Variants in DEUP1 observed in about 807,000 individuals in gnomAD.
DEUP1 encodes the protein coiled-coil domain containing 67.
In DEUP1, 82 loss-of-function variants were observed where a neutral mutation model predicts 87.4. The observed-to-expected ratio is 0.94, with a 90% CI of 0.78 to 1.13. The LOEUF is 1.13. Among genes scored for constraint, DEUP1 ranks in the 50% most tolerant of loss-of-function variants. DEUP1 has a pLI of 0.00. For missense variants in DEUP1, 663 were observed against 681.5 expected (o/e 0.97, Z 0.30); for synonymous variants, 214 against 222.7 (o/e 0.96, Z 0.35).
chr11:93,371,192 T>C lies in DEUP1; in HGVS notation c.701T>C (p.Val234Ala). 1 of 1,613,100 alleles carries C rather than the reference T, an allele frequency of 6.2e-7. No homozygotes were observed. Among genetic ancestry groups the C allele is most frequent in the Non-Finnish European group, 8.5e-7 (1 of 1,179,450 alleles). ...EFIIEKLKSA[V>A]NEIALSRNKL... Reference sequence around the variant, plus strand: ...ATTATTGAAAAACTGAAATCAGCTGTAAATGAGATAGCACTAAGCAGGAAT... The same window carrying C: ...ATTATTGAAAAACTGAAATCAGCTGCAAATGAGATAGCACTAAGCAGGAAT... The change falls in exon 7 of 14, where the codon GTA becomes GCA. Residue 234 changes from valine (V) to alanine (A), a missense_variant. By Grantham distance (64) the Val-to-Ala change is moderately conservative. Coordinates refer to ENST00000298050, the MANE Select transcript of DEUP1 (RefSeq NM_181645.4).
rs1565287643 is a variant in DEUP1 at position 93,335,722 on chromosome 11, G to A, written c.29+3434G>A. ...TATTACCATCCCTGCTTTCTTTTTA[G>A]TTTACTTTAATCAATAATATCTTTG... On this transcript the variant is annotated intron_variant, in intron 2 of 13. Coordinates refer to ENST00000298050, the MANE Select transcript of DEUP1 (RefSeq NM_181645.4). Among the ~76,000 whole-genome samples, 8 of 152,176 alleles carry A rather than the reference G, an allele frequency of 5.3e-5. No homozygotes were observed. The South Asian group carries it at 1.5e-3, about 28-fold the overall frequency.
At chr11:93,372,170 C>T (rs1435531927) in intron 7 of DEUP1, among the ~76,000 whole-genome samples, 5 of 151,988 alleles carry the variant, frequency 3.3e-5, no homozygotes, top group Non-Finnish European at 5.9e-5. Flanking sequence ...CCTCGTGATC[C>T]GCCCGCCTCG....
At chr11:93,416,091 C>G (rs779593528) in intron 13 of DEUP1, among the ~76,000 whole-genome samples, 1 of 152,074 alleles carries the variant, frequency 6.6e-6, no homozygotes, top group African/African-American at 2.4e-5. Context: ...CCTGTAGGAG[C>G]CAATGAATAT....
At chr11:93,374,995 C>A (rs1483476606) in intron 7 of DEUP1, among the ~76,000 whole-genome samples, 1 of 149,576 alleles carries the variant, frequency 6.7e-6, no homozygotes, top group African/African-American at 2.5e-5. Context: ...TTTTTCACAT[C>A]CTTGGGTAGG....
chr11:93,384,040 G>A (rs769504593), intron 7 of DEUP1, among the ~76,000 whole-genome samples: 2 of 152,130 alleles, frequency 1.3e-5, no homozygotes, highest in African/African-American at 2.4e-5. Flanking sequence ...TTGTGTGGAA[G>A]GGACCTGATG....
intron 13 of DEUP1, among the ~76,000 whole-genome samples, chr11:93,419,503 T>G (rs1453854845): frequency 6.6e-6 from 1 of 152,132 alleles, no homozygotes; most frequent in African/African-American, 2.4e-5. Context: ...CACTTTTGCC[T>G]CCCCTGGTGC....
intron 2 of DEUP1, among the ~76,000 whole-genome samples, chr11:93,352,693 A>T (rs1033484260): frequency 8.5e-5 from 13 of 152,162 alleles, no homozygotes; most frequent in Non-Finnish European, 1.6e-4. Context: ...TCATGGCAGG[A>T]GGTGAAAGGC....
At chr11:93,354,255 C>T (rs967175320) in intron 2 of DEUP1, among the ~76,000 whole-genome samples, 1 of 152,156 alleles carries the variant, frequency 6.6e-6, no homozygotes, top group Admixed American at 6.6e-5. Context: ...GTCACCTTTA[C>T]TCCAGTTCCC....
At position 93,386,099 on chromosome 11, in the gene DEUP1, A is replaced by G. The variant is rs142853562; in HGVS notation, c.935+556A>G. On this transcript the variant is annotated intron_variant, in intron 8 of 13. Transcript: ENST00000298050. ...AATAGTATAGAACTGGTATTCAATT[A>G]TGTATACTCAGAGAAATAAGATTTA... Among the ~76,000 whole-genome samples the G allele has an allele frequency of 2.0e-5, 3 of 152,158 alleles. No individual in the cohort carries two copies. The East Asian group carries it at 5.8e-4, about 29-fold the overall frequency.
intron 12 of DEUP1, among the ~76,000 whole-genome samples, chr11:93,413,245 T>A (rs1025358866): frequency 4.0e-5 from 6 of 149,816 alleles, no homozygotes; most frequent in African/African-American, 1.2e-4. Context: ...TTGATGATTT[T>A]TTTTTTTTTT....
chr11:93,368,235 T>A (rs1310673133), intron 5 of DEUP1, among the ~76,000 whole-genome samples: 1 of 152,220 alleles, frequency 6.6e-6, no homozygotes, highest in Non-Finnish European at 1.5e-5. Flanking sequence ...AGGGGCAAAG[T>A]CACTGTCTTA....
In DEUP1 at chr11:93,436,187, T is replaced by A. The variant is rs1948244535; in HGVS notation, c.1639-1356T>A. ...CCCAATCTTTTATGGGGTTTATCTT[T>A]CACCTTCTGGAGTACATACATCTTT... is the stretch of plus-strand genomic sequence containing the variant. On this transcript the variant is annotated intron_variant, in intron 13 of 13. Coordinates refer to ENST00000298050, the MANE Select transcript of DEUP1 (RefSeq NM_181645.4). 2.6e-5 allele frequency among the ~76,000 whole-genome samples: 4 copies of A among 152,190 alleles called. No homozygotes were observed. In the South Asian group the frequency reaches 6.2e-4, roughly 24 times the overall value.
chr11:93,394,413 A>C (rs756834268), intron 9 of DEUP1, 46 bp from the exon 10 acceptor site: 1 of 1,414,328 alleles, frequency 7.1e-7, no homozygotes, highest in Non-Finnish European at 9.4e-7. Flanking sequence ...AAGCTACTCT[A>C]TAAATAAAAG....
At chr11:93,394,264 T>C (rs1018677874) in intron 9 of DEUP1, among the ~76,000 whole-genome samples, 195 bp from the exon 10 acceptor site, 1 of 152,116 alleles carries the variant, frequency 6.6e-6, no homozygotes, top group Non-Finnish European at 1.5e-5. Flanking sequence ...AAATGAAATG[T>C]TGGAATTGGA....
rs759751849 is a variant in DEUP1 at position 93,364,176 on chromosome 11, A to G, written c.314A>G (p.Asn105Ser). 1.3e-5 allele frequency: 20 copies of G among 1,590,372 alleles called. No homozygotes were observed. The highest frequency in any genetic ancestry group is 1.6e-5 in the Non-Finnish European group (19 of 1,162,412). The change falls in exon 5 of 14, where the codon AAT becomes AGT. Residue 105 changes from asparagine (N) to serine (S), a missense_variant. Transcript: ENST00000298050. ...GATTTACAGTTTTCCAAACTAACAA[A>G]TAACTTTGAAAAACTGAGATTACAT... ...SLKAQFSKLTNNFEKLRLHQM... is the reference protein window; with the variant it reads ...SLKAQFSKLTSNFEKLRLHQM...
In DEUP1 at chr11:93,370,118, T is replaced by C. The variant is rs763193371; in HGVS notation, c.478T>C (p.Tyr160His). Residue 160 changes from tyrosine (Y) to histidine (H), a missense_variant, in exon 6 of 14, where the codon TAT becomes CAT. Physicochemically the swap from Tyr to His is moderately conservative, Grantham distance 83. Coordinates refer to ENST00000298050, the MANE Select transcript of DEUP1 (RefSeq NM_181645.4). Reference protein sequence around the residue: ...SREWDKQEILYQTHLISLDAQ... With the variant: ...SREWDKQEILHQTHLISLDAQ... ...AGAATGGGACAAGCAAGAGATATTA[T>C]ATCAGACTCATCTGATTTCTTTAGA... is the stretch of plus-strand genomic sequence containing the variant. 64 of 1,608,836 alleles carry C rather than the reference T, an allele frequency of 4.0e-5. No homozygotes were observed. The highest frequency in any genetic ancestry group is 5.3e-5 in the Non-Finnish European group (62 of 1,176,746).
At chr11:93,416,028 A>G (rs1195413327) in intron 13 of DEUP1, among the ~76,000 whole-genome samples, 2 of 152,150 alleles carry the variant, frequency 1.3e-5, no homozygotes, top group African/African-American at 4.8e-5. Context: ...TGGAATACCG[A>G]GGTCATAGGA....
At chr11:93,416,450 A>G (rs1214302577) in intron 13 of DEUP1, among the ~76,000 whole-genome samples, 1 of 152,236 alleles carries the variant, frequency 6.6e-6, no homozygotes, top group Non-Finnish European at 1.5e-5. Context: ...AAATTCCTCG[A>G]CACATACACT....
chr11:93,340,891 G>T (rs79381262), intron 2 of DEUP1, among the ~76,000 whole-genome samples: 2 of 152,296 alleles, frequency 1.3e-5, no homozygotes, highest in African/African-American at 4.8e-5. Flanking sequence ...GACGTTTGTC[G>T]TATGTCCAAG....
Sources: allele counts gnomAD v4.1 joint callset (sites outside exome capture counted in the v4.1 genomes callset), GRCh38; gene constraint gnomAD v4.1.1; transcripts MANE v1.5; gene names NCBI Gene and HGNC (gene_info 2026-07-23, HGNC 2026-07-21).